The following ADAM18 variants were observed in gnomAD, a reference collection of about 807,000 sequenced individuals.
ADAM18 encodes the protein disintegrin and metalloproteinase domain-containing protein 18.
Under a neutral mutation model 94.4 loss-of-function variants are expected in ADAM18, and 117 were observed. The ratio of observed to expected loss-of-function variants is 1.24; its 90% CI spans 1.07 to 1.45. The LOEUF is 1.45. Among genes scored for constraint, ADAM18 ranks in the 40% most tolerant of loss-of-function variants. ADAM18 has a pLI of 0.00. For synonymous variants in ADAM18, 327 were observed against 291.6 expected (o/e 1.12, Z -1.24); for missense variants, 936 against 880.0 (o/e 1.06, Z -0.81).
intron 2 of ADAM18, among the ~76,000 whole-genome samples, chr8:39,586,802 AT>A (rs71237181): frequency 2.6e-3 from 341 of 131,036 alleles, no homozygotes; most frequent in Non-Finnish European, 4.5e-3. Context: ...CTATCTATCT[AT>A]ATCTATCTAT....
At chr8:39,612,188 G>T (rs766337280) in intron 6 of ADAM18, among the ~76,000 whole-genome samples, 1 of 151,962 alleles carries the variant, frequency 6.6e-6, no homozygotes, top group Non-Finnish European at 1.5e-5. Context: ...CAGCCAGGAA[G>T]GTTATCTCCC....
intron 19 of ADAM18, 112 bp from the exon 20 acceptor site, chr8:39,729,786 T>G: frequency 1.3e-6 from 1 of 785,446 alleles, no homozygotes; most frequent in South Asian, 1.8e-5. Context: ...TAATCTTTGA[T>G]TTTTAGCAAT....
intron 6 of ADAM18, among the ~76,000 whole-genome samples, chr8:39,622,433 A>G (rs190881140): frequency 4.5e-4 from 68 of 151,770 alleles, no homozygotes; most frequent in African/African-American, 1.6e-3. Context: ...TGAAAATATT[A>G]AGATGATATT....
chr8:39,625,516 GA>G (rs1291546592), intron 6 of ADAM18, among the ~76,000 whole-genome samples: 3 of 152,008 alleles, frequency 2.0e-5, no homozygotes, highest in Non-Finnish European at 4.4e-5. Flanking sequence ...TTCCAATTTG[GA>G]TTTCCTTTAT....
intron 14 of ADAM18, among the ~76,000 whole-genome samples, chr8:39,676,285 G>A (rs1821298699): frequency 6.6e-6 from 1 of 152,230 alleles, no homozygotes; most frequent in Non-Finnish European, 1.5e-5. Flanking sequence ...GCTTTGTTGA[G>A]CTGCAGTGGA....
Position 39,639,618 on chromosome 8 carries a change from G to A in ADAM18, c.909+1072G>A, listed in dbSNP as rs182556924. ...TAATTATATAACTCATTTGAATTGT[G>A]TCTTATTCCCTAATGAGCCAAGTAA... is the stretch of plus-strand genomic sequence containing the variant. On this transcript the variant is annotated intron_variant, in intron 10 of 19. Transcript: ENST00000265707. Among the ~76,000 whole-genome samples, 45 of 152,026 alleles carry A rather than the reference G, an allele frequency of 3.0e-4. No homozygotes were observed. In the East Asian group the frequency reaches 8.1e-3, roughly 27 times the overall value.
chr8:39,606,464 A>G, intron 3 of ADAM18, 102 bp downstream of exon 3: 3 of 647,528 alleles, frequency 4.6e-6, no homozygotes, highest in South Asian at 2.4e-5. Context: ...GGAATGCTGT[A>G]TAATGTAGAC....
At chr8:39,643,845 G>A (rs1820304843) in intron 10 of ADAM18, among the ~76,000 whole-genome samples, 1 of 150,524 alleles carries the variant, frequency 6.6e-6, no homozygotes, top group African/African-American at 2.4e-5. Context: ...TTCCCTCTCT[G>A]ATCTAGTATC....
intron 17 of ADAM18, among the ~76,000 whole-genome samples, chr8:39,706,248 C>G (rs1822238296): frequency 6.6e-6 from 1 of 151,948 alleles, no homozygotes; most frequent in Admixed American, 6.6e-5. Flanking sequence ...ATTTGCTTTG[C>G]ACGTATGTTA....
rs1822309894 is a variant in ADAM18, at chr8:39,708,724, A to G, written c.2017+1820A>G. 2.0e-5 allele frequency among the ~76,000 whole-genome samples: 3 copies of G among 152,292 alleles called. No individual in the cohort carries two copies. In the South Asian group the frequency reaches 6.2e-4, roughly 32 times the overall value. ...GAGGTGGGAACTGGAGTGCATGAGCACTGGAACCAGCTGGCTGCTTCAGTG... is the reference window on the plus strand; with the variant it reads ...GAGGTGGGAACTGGAGTGCATGAGCGCTGGAACCAGCTGGCTGCTTCAGTG... On this transcript the variant is annotated intron_variant, in intron 18 of 19. Transcript: ENST00000265707.
At chr8:39,682,342 TCA>T (rs1446613643) in intron 16 of ADAM18, among the ~76,000 whole-genome samples, 1 of 152,178 alleles carries the variant, frequency 6.6e-6, no homozygotes, top group African/African-American at 2.4e-5. Context: ...CACGGGAGGT[TCA>T]CAGTTTTTGA....
chr8:39,645,283 T>C, intron 10 of ADAM18, 55 bp from the exon 11 acceptor site: 1 of 1,447,906 alleles, frequency 6.9e-7, no homozygotes, highest in Non-Finnish European at 9.5e-7. Context: ...ATATTTCAAG[T>C]TATTACTTTT....
At chr8:39,608,326 C>G (rs1481881618) in intron 3 of ADAM18, among the ~76,000 whole-genome samples, 2 of 151,756 alleles carry the variant, frequency 1.3e-5, no homozygotes, top group Non-Finnish European at 2.9e-5. Flanking sequence ...TTATTCTCAA[C>G]ACAGTGCTGA....
intron 17 of ADAM18, among the ~76,000 whole-genome samples, chr8:39,698,868 T>C (rs1253679875): frequency 6.6e-6 from 1 of 152,032 alleles, no homozygotes; most frequent in African/African-American, 2.4e-5. Flanking sequence ...ATCTTTCACC[T>C]AAAAAACTGC....
At chr8:39,717,479 A>T (rs1454364665) in intron 18 of ADAM18, among the ~76,000 whole-genome samples, 1 of 151,722 alleles carries the variant, frequency 6.6e-6, no homozygotes, top group Non-Finnish European at 1.5e-5. Context: ...TTTCAACCGG[A>T]AGAACTCCCT....
chr8:39,720,086 ATG>A (rs1359471594), intron 18 of ADAM18, among the ~76,000 whole-genome samples: 1 of 151,430 alleles, frequency 6.6e-6, no homozygotes, highest in East Asian at 1.9e-4. Flanking sequence ...TGGCTAAACA[ATG>A]TGTAGTCTCT....
Position 39,677,387 on chromosome 8 carries a change from TC to T in ADAM18, c.1526-43del, listed in dbSNP as rs749286725. 1.3e-4 allele frequency: 187 copies of T among 1,446,046 alleles called. 3 individuals carry two copies. In the South Asian group the frequency reaches 2.2e-3, roughly 17 times the overall value. The allele number at this position is 1,446,046 out of a possible 1,614,324, so 89.6% of individuals were successfully genotyped here. ...AGTCTGTTACTGACAAACATTTAAC[TC>T]ATATTAAGAATGATAATTCAACTGA... On this transcript the variant is annotated intron_variant, in intron 14 of 19. Coordinates refer to ENST00000265707, the MANE Select transcript of ADAM18 (RefSeq NM_014237.3).
intron 6 of ADAM18, among the ~76,000 whole-genome samples, chr8:39,621,865 C>A (rs1327708575): frequency 6.6e-6 from 1 of 152,026 alleles, no homozygotes; most frequent in Non-Finnish European, 1.5e-5. Flanking sequence ...TAAGTGGGAG[C>A]TAAATGATGA....
intron 6 of ADAM18, 137 bp from the exon 7 acceptor site, chr8:39,629,237 A>G (rs1441228344): frequency 2.8e-5 from 17 of 604,736 alleles, no homozygotes; most frequent in Non-Finnish European, 4.2e-5. Context: ...AAAATTTTCT[A>G]CATCAGAATT....
Sources: allele counts gnomAD v4.1 joint callset (sites outside exome capture counted in the v4.1 genomes callset), GRCh38; gene constraint gnomAD v4.1.1; transcripts MANE v1.5; gene names NCBI Gene and HGNC (gene_info 2026-07-23, HGNC 2026-07-21).